Variants in CUX1 observed in about 807,000 individuals in gnomAD.
CUX1 encodes the protein cut like homeobox 1.
CUX1 carries 31 observed loss-of-function variants against 158.8 expected under a neutral mutation model. The observed-to-expected ratio is 0.20, with a 90% CI of 0.15 to 0.26. CUX1 has a LOEUF of 0.26. Ranked by LOEUF, CUX1 falls within the 10% of genes least tolerant of loss-of-function variation. CUX1 has a pLI of 1.00. For synonymous variants in CUX1, 879 were observed against 862.1 expected (o/e 1.02, Z -0.34); for missense variants, 1,589 against 2,014.6 (o/e 0.79, Z 4.04).
intron 1 of CUX1, among the ~76,000 whole-genome samples, chr7:101,862,985 C>T (rs1191516037): frequency 6.6e-6 from 1 of 151,840 alleles, no homozygotes; most frequent in Non-Finnish European, 1.5e-5. Flanking sequence ...CATGACTCAG[C>T]TTCAATAATA....
At chr7:102,107,949 G>A (rs1402214773) in intron 6 of CUX1, among the ~76,000 whole-genome samples, 1 of 152,258 alleles carries the variant, frequency 6.6e-6, no homozygotes, top group Non-Finnish European at 1.5e-5. Flanking sequence ...CAGGAAAGGA[G>A]TGCGCATCAC....
chr7:101,900,121 T>C (rs985276681), intron 1 of CUX1, among the ~76,000 whole-genome samples: 1 of 152,188 alleles, frequency 6.6e-6, no homozygotes, highest in Non-Finnish European at 1.5e-5. Context: ...ATGGGGAGAC[T>C]AGCAGCACTT....
chr7:101,952,209 C>T (rs1770347408), intron 2 of CUX1, among the ~76,000 whole-genome samples: 1 of 151,998 alleles, frequency 6.6e-6, no homozygotes, highest in Non-Finnish European at 1.5e-5. Flanking sequence ...ATAGCGAGAC[C>T]CCGTCTCTAC....
chr7:101,976,141 CAAAA>C (rs925802019), intron 2 of CUX1, among the ~76,000 whole-genome samples: 2 of 151,840 alleles, frequency 1.3e-5, no homozygotes, highest in East Asian at 1.9e-4. Flanking sequence ...CTAAAACAAA[CAAAA>C]AACCACAGTA....
chr7:101,936,859 C>T (rs868217518), intron 2 of CUX1, among the ~76,000 whole-genome samples: 1 of 152,194 alleles, frequency 6.6e-6, no homozygotes, highest in Non-Finnish European at 1.5e-5. Flanking sequence ...TTTCCAGGCA[C>T]GCAGGAGCTC....
chr7:102,040,171 T>C (rs544237886), intron 3 of CUX1, among the ~76,000 whole-genome samples: 4 of 152,256 alleles, frequency 2.6e-5, no homozygotes, highest in Non-Finnish European at 5.9e-5. Context: ...CAAAAGGCAA[T>C]GTTAGATGGC....
intron 2 of CUX1, among the ~76,000 whole-genome samples, chr7:101,979,873 C>T (rs772842587): frequency 4.6e-5 from 7 of 152,204 alleles, no homozygotes; most frequent in Non-Finnish European, 8.8e-5. Flanking sequence ...AGGCTGGTCA[C>T]GAACTCCTGA....
chr7:102,070,704 G>A (rs1039862317), intron 4 of CUX1, among the ~76,000 whole-genome samples: 2 of 152,186 alleles, frequency 1.3e-5, no homozygotes, highest in African/African-American at 4.8e-5. Flanking sequence ...AACCCTGCAC[G>A]TACTGCAGAG....
intron 1 of CUX1, among the ~76,000 whole-genome samples, chr7:101,867,619 G>A (rs1230014042): frequency 1.3e-5 from 2 of 152,180 alleles, no homozygotes; most frequent in East Asian, 1.9e-4. Context: ...CTGAAGGAGC[G>A]GGATGCTGCT....
At chr7:101,870,516 A>C (rs917118872) in intron 1 of CUX1, among the ~76,000 whole-genome samples, 1 of 152,152 alleles carries the variant, frequency 6.6e-6, no homozygotes, top group Non-Finnish European at 1.5e-5. Context: ...GGCTCAAAGC[A>C]GGGCATTCTT....
chr7:101,827,244 C>CCTTCTCTTCTCTTCTCTTTTCTTCT (rs1793414379), intron 1 of CUX1, among the ~76,000 whole-genome samples: 6 of 129,676 alleles, frequency 4.6e-5, no homozygotes, highest in Non-Finnish European at 7.9e-5. Context: ...CCCCTCCCCT[C>CCTTCTCTTCTCTTCTCTTTTCTTCT]CTTCTCTTCT....
At position 102,205,159 on chromosome 7, in the gene CUX1, G is replaced by A. The variant is rs534814594; in HGVS notation, c.3119G>A (p.Cys1040Tyr). 3.1e-6 allele frequency: 5 copies of A among 1,610,718 alleles called. No homozygotes were observed. The African/African-American group carries it at 5.3e-5, about 17-fold the overall frequency. Reference protein sequence around the residue: ...TSLQDPLQQGCVSSESTPKTS... With the variant: ...TSLQDPLQQGYVSSESTPKTS... Reference sequence around the variant, plus strand: ...CTCCAGGACCCGCTGCAGCAGGGCTGTGTGAGCTCAGGTAAGCAGCCAGTT... The same window carrying A: ...CTCCAGGACCCGCTGCAGCAGGGCTATGTGAGCTCAGGTAAGCAGCCAGTT... Residue 1040 changes from cysteine to tyrosine, a missense_variant, in exon 20 of 24, where the codon TGT becomes TAT. By Grantham distance (194) the Cys-to-Tyr change is radical. This residue lies in a region of CUX1 where 259 missense variants were observed against 373.8 expected (regional missense o/e 0.69). Transcript: ENST00000292535.
chr7:102,238,759 C>T (rs1412833649), intron 22 of CUX1, among the ~76,000 whole-genome samples: 10 of 152,230 alleles, frequency 6.6e-5, no homozygotes, highest in African/African-American at 2.4e-4. Context: ...GGATACTTCT[C>T]TGCCTCCCCT....
intron 1 of CUX1, among the ~76,000 whole-genome samples, chr7:101,896,584 C>T (rs1801543700): frequency 6.6e-6 from 1 of 152,132 alleles, no homozygotes; most frequent in Non-Finnish European, 1.5e-5. Context: ...TCAGACTTTC[C>T]CATGACAGAC....
In CUX1 at chr7:101,869,249, C is replaced by T. The variant is rs544130162; in HGVS notation, c.31-46866C>T. Among the ~76,000 whole-genome samples, 49 of 152,176 alleles carry T rather than the reference C, an allele frequency of 3.2e-4. No homozygotes were observed. The highest frequency in any genetic ancestry group is 1.1e-3 in the African/African-American group (44 of 41,506). ...GGGGCTGTGTCAGAGCCCCGGCTGGCGAGAGGAGCATCACTGTGTCCAGAG... is the reference window on the plus strand; with the variant it reads ...GGGGCTGTGTCAGAGCCCCGGCTGGTGAGAGGAGCATCACTGTGTCCAGAG... On this transcript the variant is annotated intron_variant, in intron 1 of 23. Coordinates refer to ENST00000292535, the MANE Select transcript of CUX1 (RefSeq NM_181552.4). This position sits in a 1 kb window ranked among gnomAD's most constrained non-coding sequence, Gnocchi z 4.5.
chr7:102,196,666 G>C lies in CUX1; in HGVS notation c.1255G>C (p.Glu419Gln). 2 of 1,589,438 alleles carry C rather than the reference G, an allele frequency of 1.3e-6. No individual in the cohort carries two copies. Among genetic ancestry groups the C allele is most frequent in the Non-Finnish European group, 1.7e-6 (2 of 1,166,578 alleles). ...SARRKGKDQPESRRPGSLPAP... is the reference protein window; with the variant it reads ...SARRKGKDQPQSRRPGSLPAP... ...CAGGAGGAAAGGGAAAGACCAGCCT[G>C]AAAGTCGGCGCCCGGGATCTTTGCC... Residue 419 changes from glutamate (E) to glutamine (Q), a missense_variant, in exon 15 of 24, where the codon GAA (glutamate) becomes CAA (glutamine). Around this residue, in one of 8 missense-constraint regions of CUX1, gnomAD observed 515 missense variants for 574.4 expected, o/e 0.90. Transcript: ENST00000292535.
At chr7:101,842,746 A>G (rs1795296054) in intron 1 of CUX1, among the ~76,000 whole-genome samples, 2 of 149,136 alleles carry the variant, frequency 1.3e-5, no homozygotes, top group Admixed American at 1.3e-4. Flanking sequence ...GTTACATTGC[A>G]TGTATGATCA....
chr7:101,968,724 G>A (rs1231526605), intron 2 of CUX1, among the ~76,000 whole-genome samples: 1 of 152,110 alleles, frequency 6.6e-6, no homozygotes, highest in Non-Finnish European at 1.5e-5. Flanking sequence ...TGCCCGGCCT[G>A]AAGAGCCTAG....
intron 4 of CUX1, among the ~76,000 whole-genome samples, chr7:102,070,968 A>G (rs1826066971): frequency 6.6e-6 from 1 of 150,612 alleles, no homozygotes; most frequent in Admixed American, 6.6e-5. Flanking sequence ...TTATTTATTT[A>G]TTTTTGAGAC....
Sources: allele counts gnomAD v4.1 joint callset (sites outside exome capture counted in the v4.1 genomes callset), GRCh38; gene constraint gnomAD v4.1.1; regional missense constraint gnomAD v4.1.1; non-coding constraint Gnocchi (gnomAD v3.1); transcripts MANE v1.5; gene names NCBI Gene and HGNC (gene_info 2026-07-23, HGNC 2026-07-21).